The following GDAP2 variants were observed in gnomAD, a reference collection of about 807,000 sequenced individuals.
The protein encoded by GDAP2 is ganglioside-induced differentiation-associated protein 2.
In GDAP2, 51 loss-of-function variants were observed where a neutral mutation model predicts 67.0. The ratio of observed to expected loss-of-function variants is 0.76; its 90% CI spans 0.61 to 0.96. The LOEUF is 0.96. Ranked by LOEUF, GDAP2 falls within the 40% of genes least tolerant of loss-of-function variation. GDAP2 has a pLI of 0.00. For missense variants in GDAP2, 547 were observed against 588.3 expected, an observed-to-expected ratio of 0.93 and a Z score of 0.73; for synonymous variants, 203 against 207.3, an observed-to-expected ratio of 0.98 and a Z score of 0.18.
chr1:117,907,204 C>T (rs1402205643), intron 5 of GDAP2, among the ~76,000 whole-genome samples: 1 of 152,148 alleles, frequency 6.6e-6, no homozygotes, highest in Non-Finnish European at 1.5e-5. Flanking sequence ...TGGATCTCTC[C>T]CTAGCTTTAG....
intron 13 of GDAP2, among the ~76,000 whole-genome samples, chr1:117,876,900 G>A (rs1648475705): frequency 6.6e-6 from 1 of 152,134 alleles, no homozygotes; most frequent in Non-Finnish European, 1.5e-5. Context: ...AATTTTGAGT[G>A]TAAAAATGTT....
intron 12 of GDAP2, among the ~76,000 whole-genome samples, chr1:117,878,834 G>A (rs1648555875): frequency 6.6e-6 from 1 of 152,056 alleles, no homozygotes. Context: ...AAAAATTACT[G>A]TTTATCTATC....
chr1:117,912,704 CA>C (rs1262640224), intron 3 of GDAP2, 21 bp from the exon 4 acceptor site: 1 of 1,603,956 alleles, frequency 6.2e-7, no homozygotes, highest in Non-Finnish European at 8.5e-7. Flanking sequence ...TGGAAACACA[CA>C]TAAGTTTGGA....
chr1:117,918,112 T>A (rs1453223474), intron 3 of GDAP2, among the ~76,000 whole-genome samples: 12 of 152,228 alleles, frequency 7.9e-5, no homozygotes, highest in Non-Finnish European at 1.6e-4. Flanking sequence ...ATAGGTTAAC[T>A]TTGCTGTTTA....
intron 13 of GDAP2, among the ~76,000 whole-genome samples, chr1:117,873,014 A>G (rs978718096): frequency 1.3e-5 from 2 of 152,130 alleles, no homozygotes; most frequent in Non-Finnish European, 2.9e-5. Context: ...GGAGTTCTCT[A>G]TTCTATTACC....
rs116476491 is a variant in GDAP2 at position 117,894,650 on chromosome 1, T to C, written c.953+2183A>G. Reference sequence around the variant, plus strand: ...AAGTTGCCTTGAAGAAAAGCACTATTTGATTGAGTTGTGAGCTGGACTAGT... The same window carrying C: ...AAGTTGCCTTGAAGAAAAGCACTATCTGATTGAGTTGTGAGCTGGACTAGT... On this transcript the variant is annotated intron_variant, in intron 8 of 13. Coordinates refer to ENST00000369443, the MANE Select transcript of GDAP2 (RefSeq NM_017686.4). Among the ~76,000 whole-genome samples, 482 of 152,266 alleles carry C rather than the reference T, an allele frequency of 3.2e-3. 2 individuals carry two copies. The highest frequency in any genetic ancestry group is 0.011 in the African/African-American group (458 of 41,550).
chr1:117,873,992 A>G (rs1648376460), intron 13 of GDAP2, among the ~76,000 whole-genome samples: 1 of 152,048 alleles, frequency 6.6e-6, no homozygotes, highest in African/African-American at 2.4e-5. Flanking sequence ...TGCTGTTTCT[A>G]CAGTCATTGT....
At chr1:117,907,632 T>G (rs1649702009) in intron 5 of GDAP2, among the ~76,000 whole-genome samples, 1 of 152,222 alleles carries the variant, frequency 6.6e-6, no homozygotes, top group African/African-American at 2.4e-5. Flanking sequence ...TGCTGCATTT[T>G]CAAATAGTTC....
At chr1:117,883,312 C>T in intron 11 of GDAP2, 176 bp downstream of exon 11, 1 of 507,782 alleles carries the variant, frequency 2.0e-6, no homozygotes, top group Non-Finnish European at 3.5e-6. Flanking sequence ...TACTTTAATG[C>T]AAAATAAGTT....
chr1:117,874,536 G>C lies in GDAP2; in HGVS notation c.1446+3473C>G, dbSNP rs1330511554. 2.6e-5 allele frequency among the ~76,000 whole-genome samples: 4 copies of C among 152,094 alleles called. No individual in the cohort carries two copies. The East Asian group carries it at 7.7e-4, about 29-fold the overall frequency. On this transcript the variant is annotated intron_variant, in intron 13 of 13. Transcript: ENST00000369443. The stretch of plus-strand genomic sequence containing the variant: ...TTTCTTCATAAATTACCCAGCCTCA[G>C]GTATTCCTTTATGGCCACATAAAAA...
In GDAP2 at chr1:117,867,948, AAATT is replaced by A. The variant is rs763945669; in HGVS notation, c.*2617_*2620del. The A allele has an allele frequency of 6.6e-6, 1 of 152,220 alleles. No homozygotes were observed. Among genetic ancestry groups the A allele is most frequent in the East Asian group, 1.9e-4 (1 of 5,204 alleles). 9.4% of individuals were successfully genotyped at this position (152,220 alleles called of 1,614,324 possible). Reference sequence around the variant, plus strand: ...TCATATTATGCCTTGCATGATTAATAAATTAATATTTTATAACTTGTGTCTTCAA... The same window carrying A: ...TCATATTATGCCTTGCATGATTAATAAATATTTTATAACTTGTGTCTTCAA... On this transcript the variant is annotated 3_prime_UTR_variant, in exon 14 of 14. Transcript: ENST00000369443.
rs1006976427 is a variant in GDAP2, at chr1:117,868,403, C to T, written c.*2166G>A. On this transcript the variant is annotated 3_prime_UTR_variant, in exon 14 of 14. Coordinates refer to ENST00000369443, the MANE Select transcript of GDAP2 (RefSeq NM_017686.4). ...TTTATACCCTAGGACATCAATTGTA[C>T]TAAAATCTCAGCATATGTAGAATCC... is the stretch of plus-strand genomic sequence containing the variant. 3 of 152,112 alleles carry T rather than the reference C, an allele frequency of 2.0e-5. No individual in the cohort carries two copies. The highest frequency in any genetic ancestry group is 2.0e-4 in the Admixed American group (3 of 15,264). The allele number at this position is 152,112 out of a possible 1,614,324, so 9.4% of individuals were successfully genotyped here. A position where few individuals can be genotyped will look rare whatever the true frequency, so the allele number is the denominator to read the frequency against.
At chr1:117,913,942 C>A (rs774378383) in intron 3 of GDAP2, among the ~76,000 whole-genome samples, 2 of 152,150 alleles carry the variant, frequency 1.3e-5, no homozygotes, top group African/African-American at 4.8e-5. Flanking sequence ...CGTGAAAATA[C>A]AATGAAAACT....
chr1:117,916,377 G>A (rs1214442276), intron 3 of GDAP2, among the ~76,000 whole-genome samples: 1 of 152,156 alleles, frequency 6.6e-6, no homozygotes, highest in African/African-American at 2.4e-5. Flanking sequence ...AGGGGGCATG[G>A]GATAAGCCTG....
chr1:117,887,157 T>A (rs1485221131), intron 9 of GDAP2, among the ~76,000 whole-genome samples: 1 of 152,088 alleles, frequency 6.6e-6, no homozygotes, highest in East Asian at 1.9e-4. Flanking sequence ...ATTGAACTCC[T>A]GGTCTCAAAT....
At chr1:117,876,558 A>G (rs1648462039) in intron 13 of GDAP2, among the ~76,000 whole-genome samples, 1 of 152,244 alleles carries the variant, frequency 6.6e-6, no homozygotes, top group African/African-American at 2.4e-5. Flanking sequence ...AGAAAGCTCT[A>G]GCATAGGTAC....
chr1:117,903,992 CTT>C (rs566923850), intron 6 of GDAP2, among the ~76,000 whole-genome samples: 11 of 141,970 alleles, frequency 7.7e-5, no homozygotes, highest in Admixed American at 7.0e-5. Context: ...ATTTTTTTTT[CTT>C]TTTTTTTTTT....
intron 13 of GDAP2, among the ~76,000 whole-genome samples, chr1:117,874,083 T>C (rs1294559317): frequency 2.0e-5 from 3 of 152,344 alleles, no homozygotes; most frequent in South Asian, 2.1e-4. Flanking sequence ...AGCACTAATA[T>C]GTAAAGTTAC....
At position 117,920,216 on chromosome 1, in the gene GDAP2, A is replaced by T; in HGVS notation, c.142T>A (p.Tyr48Asn). The T allele has an allele frequency of 6.2e-7, 1 of 1,607,270 alleles. No homozygotes were observed. Among genetic ancestry groups the T allele is most frequent in the Non-Finnish European group, 8.5e-7 (1 of 1,175,106 alleles). Reference sequence around the variant, plus strand: ...ACTTTTCCATTGACGTCCTTATTATAAAGAAAAGGTGATCGAACAGTGTCT... The same window carrying T: ...ACTTTTCCATTGACGTCCTTATTATTAAGAAAAGGTGATCGAACAGTGTCT... ...QEDTVRSPFLYNKDVNGKVVL... is the reference protein window; with the variant it reads ...QEDTVRSPFLNNKDVNGKVVL... The change falls in exon 2 of 14, where the codon TAT becomes AAT. Residue 48 changes from tyrosine (Y) to asparagine (N), a missense_variant. Transcript: ENST00000369443.
Sources: gnomAD v4.1 joint callset for allele counts (sites outside exome capture counted in the v4.1 genomes callset) on GRCh38, gnomAD v4.1.1 for gene constraint, MANE v1.5 for transcripts, NCBI Gene and HGNC (gene_info 2026-07-23, HGNC 2026-07-21) for gene names.